TAF4B: variants seen among roughly 807,000 people sequenced by gnomAD.
TAF4B encodes the protein transcription initiation factor TFIID subunit 4B.
A neutral mutation model predicts 86.4 loss-of-function variants in TAF4B; 38 were observed. The ratio of observed to expected loss-of-function variants is 0.44; its 90% CI spans 0.34 to 0.58. The LOEUF is 0.58. Among genes scored for constraint, TAF4B ranks in the 20% least tolerant of loss-of-function variants. TAF4B has a pLI of 0.02. For missense variants in TAF4B, 988 were observed against 1,027.6 expected (o/e 0.96, Z 0.53); for synonymous variants, 388 against 391.2 (o/e 0.99, Z 0.10).
chr18:26,314,441 C>T (rs1568147287), intron 9 of TAF4B, among the ~76,000 whole-genome samples: 3 of 142,300 alleles, frequency 2.1e-5, no homozygotes, highest in African/African-American at 7.4e-5. Context: ...AGCAAGGAGC[C>T]CAGACATCTT....
At chr18:26,245,736 T>C (rs1373779694) in intron 1 of TAF4B, among the ~76,000 whole-genome samples, 1 of 152,244 alleles carries the variant, frequency 6.6e-6, no homozygotes, top group African/African-American at 2.4e-5. Context: ...ACAATCCTCT[T>C]GTAAGACAGA....
chr18:26,296,466 A>T (rs1432009705), intron 9 of TAF4B, among the ~76,000 whole-genome samples: 2 of 151,980 alleles, frequency 1.3e-5, no homozygotes, highest in African/African-American at 4.8e-5. Flanking sequence ...TGCCTGTAGC[A>T]AGCCTTGAGG....
At chr18:26,381,070 A>T (rs898744903) in intron 14 of TAF4B, among the ~76,000 whole-genome samples, 2 of 152,128 alleles carry the variant, frequency 1.3e-5, no homozygotes, top group African/African-American at 4.8e-5. Flanking sequence ...GCTGGAGTGC[A>T]GTGGCACAAT....
In TAF4B at chr18:26,315,132, C is replaced by CTCTCTCTG; in HGVS notation, c.1833-90_1833-89insGTCTCTCT. On this transcript the variant is annotated intron_variant, in intron 9 of 14. Coordinates refer to ENST00000269142, the MANE Select transcript of TAF4B (RefSeq NM_005640.3). The stretch of plus-strand genomic sequence containing the variant: ...TCTCTCTCTCTCTCTCTCTCTCTCT[C>CTCTCTCTG]TCTCTCTCTCTCTGTCTCTCTCTCT... 9.3e-6 allele frequency: 3 copies of CTCTCTCTG among 322,140 alleles called. No homozygotes were observed. In the African/African-American group the frequency reaches 1.2e-4, roughly 13 times the overall value. 20.0% of individuals were successfully genotyped at this position (322,140 alleles called of 1,614,324 possible). A position where few individuals can be genotyped will look rare whatever the true frequency, so the allele number is the denominator to read the frequency against.
chr18:26,318,685 T>C (rs2056934696), intron 10 of TAF4B, among the ~76,000 whole-genome samples: 1 of 152,250 alleles, frequency 6.6e-6, no homozygotes. Flanking sequence ...AAAGGGTGTT[T>C]TGTTTTAAAA....
chr18:26,229,494 C>CTTTTTTTTTTTTTTTTTTTTTTTT (rs34261854), intron 1 of TAF4B, among the ~76,000 whole-genome samples: 2 of 129,376 alleles, frequency 1.5e-5, no homozygotes, highest in African/African-American at 2.9e-5. Flanking sequence ...TTCTTTCTTT[C>CTTTTTTTTTTTTTTTTTTTTTTTT]TTTTTTTTTT....
In TAF4B at chr18:26,274,672, G is replaced by A. The variant is rs779361173; in HGVS notation, c.607G>A (p.Val203Met). 5 of 1,614,154 alleles carry A rather than the reference G, an allele frequency of 3.1e-6. No homozygotes were observed. In the Admixed American group the frequency reaches 8.3e-5, roughly 27 times the overall value. ...PKPSSVQSVA[V>M]PTSVVTVTPG... The stretch of plus-strand genomic sequence containing the variant: ...ATACCTTTAATTTCAGTCTGTGGCT[G>A]TGCCAACCAGTGTCGTCACAGTTAC... The change falls in exon 4 of 15, where the codon GTG becomes ATG. Residue 203 changes from valine (V) to methionine (M), a missense_variant. Val to Met is a conservative substitution (Grantham distance 21). This residue lies in a region of TAF4B where 747 missense variants were observed against 737.9 expected (regional missense o/e 1.01). Coordinates refer to ENST00000269142, the MANE Select transcript of TAF4B (RefSeq NM_005640.3).
intron 14 of TAF4B, among the ~76,000 whole-genome samples, chr18:26,372,621 A>G (rs1440649873): frequency 6.6e-6 from 1 of 152,116 alleles, no homozygotes. Context: ...CCTTCCTTCC[A>G]CATATTTTGC....
chr18:26,257,331 T>C (rs892309668), intron 1 of TAF4B, among the ~76,000 whole-genome samples: 4 of 152,224 alleles, frequency 2.6e-5, no homozygotes, highest in African/African-American at 4.8e-5. Flanking sequence ...CCCTTCTTTA[T>C]CTCTTGTTTA....
At chr18:26,267,473 AC>A (rs2056255303) in intron 2 of TAF4B, 42 bp from the exon 3 acceptor site, 1 of 1,319,216 alleles carries the variant, frequency 7.6e-7, no homozygotes, top group Admixed American at 1.7e-5. Flanking sequence ...TAAATTACTA[AC>A]GCTAATGACT....
At position 26,321,635 on chromosome 18, in the gene TAF4B, A is replaced by G. The variant is rs1307926352; in HGVS notation, c.2133+435A>G. Among the ~76,000 whole-genome samples, 5 of 151,834 alleles carry G rather than the reference A, an allele frequency of 3.3e-5. No individual in the cohort carries two copies. The East Asian group carries it at 5.8e-4, about 18-fold the overall frequency. ...TATATATTAATATTTAAGGTATACA[A>G]CGTGTTAAAGATACACATGTATAGT... On this transcript the variant is annotated intron_variant, in intron 11 of 14. Transcript: ENST00000269142.
rs200477306 is a variant in TAF4B, at chr18:26,321,145, G to C, written c.2078G>C (p.Arg693Pro). 6.2e-7 allele frequency: 1 copy of C among 1,613,796 alleles called. No individual in the cohort carries two copies. Among genetic ancestry groups the C allele is most frequent in the African/African-American group, 1.3e-5 (1 of 75,016 alleles). Residue 693 changes from arginine to proline, a missense_variant, in exon 11 of 15, where the codon CGA becomes CCA. Arg to Pro is a moderately radical substitution (Grantham distance 103, BLOSUM62 -2). Coordinates refer to ENST00000269142, the MANE Select transcript of TAF4B (RefSeq NM_005640.3). ...TCCCAAGCAACACAGGAACGACTAC[G>C]AGGCCTTCTAGAAAAACTGACTGCA... ...LISQATQERL[R>P]GLLEKLTAIA...
chr18:26,277,851 C>T (rs536733874), intron 5 of TAF4B, among the ~76,000 whole-genome samples: 1 of 152,298 alleles, frequency 6.6e-6, no homozygotes, highest in African/African-American at 2.4e-5. Flanking sequence ...ATCAAAATAA[C>T]ATGCTCATTA....
intron 14 of TAF4B, among the ~76,000 whole-genome samples, chr18:26,386,415 AT>A (rs1216721960): frequency 6.6e-6 from 1 of 151,518 alleles, no homozygotes; most frequent in Non-Finnish European, 1.5e-5. Flanking sequence ...TGGGGTAGCA[AT>A]TTAATTTTTT....
intron 12 of TAF4B, among the ~76,000 whole-genome samples, chr18:26,332,971 A>G (rs1254334169): frequency 6.6e-6 from 1 of 151,702 alleles, no homozygotes; most frequent in Non-Finnish European, 1.5e-5. Context: ...CCTCGAGTAT[A>G]TTCCCATTTT....
intron 13 of TAF4B, among the ~76,000 whole-genome samples, chr18:26,340,784 A>C (rs1309575016): frequency 6.6e-6 from 1 of 152,122 alleles, no homozygotes; most frequent in African/African-American, 2.4e-5. Flanking sequence ...CATCACTTTT[A>C]TTTTCCCACT....
rs112783721 is a variant in TAF4B at position 26,234,812 on chromosome 18, A to G, written c.343+7536A>G. ...ACATATTTGAAGCACCGGTCCCTTAAGGAGTAGCGCCTGGTATCTAAGCAG... is the reference window on the plus strand; with the variant it reads ...ACATATTTGAAGCACCGGTCCCTTAGGGAGTAGCGCCTGGTATCTAAGCAG... On this transcript the variant is annotated intron_variant, in intron 1 of 14. Coordinates refer to ENST00000269142, the MANE Select transcript of TAF4B (RefSeq NM_005640.3). Among the ~76,000 whole-genome samples the G allele has an allele frequency of 8.1e-3, 1,239 of 152,312 alleles. 16 individuals are homozygous for G. The highest frequency in any genetic ancestry group is 0.028 in the African/African-American group (1,180 of 41,568).
chr18:26,285,222 G>GTTTTTTTTGTTTGTTTTTTTTTTTTT (rs1555677504), intron 6 of TAF4B, among the ~76,000 whole-genome samples: 1 of 45,660 alleles, frequency 2.2e-5, no homozygotes, highest in Non-Finnish European at 4.5e-5. Context: ...TTTTTTTTTT[G>GTTTTTTTTGTTTGTTTTTTTTTTTTT]TTTTTTTTTT....
Position 26,344,231 on chromosome 18 carries a change from A to G in TAF4B, c.2316+9000A>G, listed in dbSNP as rs188258772. Among the ~76,000 whole-genome samples, 13 of 152,310 alleles carry G rather than the reference A, an allele frequency of 8.5e-5. 1 individual carries two copies. In the East Asian group the frequency reaches 2.5e-3, roughly 29 times the overall value. ...CCCAGGTTCAACTCACATCATAATC[A>G]ATCTCTGAAAACTATATAGATGTAG... On this transcript the variant is annotated intron_variant, in intron 13 of 14. Transcript: ENST00000269142.
Sources: gnomAD v4.1 joint callset for allele counts (sites outside exome capture counted in the v4.1 genomes callset) on GRCh38, gnomAD v4.1.1 for gene constraint, gnomAD v4.1.1 regional missense constraint, MANE v1.5 for transcripts, NCBI Gene and HGNC (gene_info 2026-07-23, HGNC 2026-07-21) for gene names.